VLDLR: variants seen among roughly 807,000 people sequenced by gnomAD.
The protein encoded by VLDLR is very low density lipoprotein receptor, also known as very low-density lipoprotein receptor.
In VLDLR, 81 loss-of-function variants were observed where a neutral mutation model predicts 112.7. The observed-to-expected ratio is 0.72, with a 90% CI of 0.60 to 0.86. VLDLR has a LOEUF of 0.86. Among genes scored for constraint, VLDLR ranks in the 40% least tolerant of loss-of-function variants. The probability of loss-of-function intolerance (pLI) is 0.00; values close to 1 mark genes in which losing one functional copy is unlikely to be tolerated. For synonymous variants in VLDLR, 436 were observed against 384.8 expected, an observed-to-expected ratio of 1.13 and a Z score of -1.56; for missense variants, 1,237 against 1,099.4, an observed-to-expected ratio of 1.13 and a Z score of -1.77.
intron 2 of VLDLR, among the ~76,000 whole-genome samples, chr9:2,637,472 A>G (rs1296481402): frequency 6.6e-6 from 1 of 152,184 alleles, no homozygotes; most frequent in African/African-American, 2.4e-5. Context: ...TAGCACATCT[A>G]AATTCCTATT....
At chr9:2,635,385 C>T (rs930697116) in intron 1 of VLDLR, 68 bp from the exon 2 acceptor site, 3 of 1,609,872 alleles carry the variant, frequency 1.9e-6, no homozygotes, top group Non-Finnish European at 2.5e-6. Flanking sequence ...GGTCCCCATC[C>T]ATGGGTATTA....
chr9:2,635,688 T>A, intron 2 of VLDLR, 116 bp downstream of exon 2: 1 of 1,482,522 alleles, frequency 6.7e-7, no homozygotes, highest in South Asian at 1.2e-5. Flanking sequence ...TTTGAAAGAA[T>A]CTATACTTCT....
chr9:2,645,506 A>G (rs1341785287), intron 9 of VLDLR, 68 bp from the exon 10 acceptor site: 1 of 1,566,448 alleles, frequency 6.4e-7, no homozygotes, highest in Non-Finnish European at 8.8e-7. Flanking sequence ...CTCTGCTGGG[A>G]GGAGGTGGTT....
At chr9:2,633,984 A>C (rs1432407247) in intron 1 of VLDLR, among the ~76,000 whole-genome samples, 1 of 152,124 alleles carries the variant, frequency 6.6e-6, no homozygotes, top group African/African-American at 2.4e-5. Flanking sequence ...TACAACCAAT[A>C]AAACGTGAAG....
Position 2,652,817 on chromosome 9 carries a change from G to A in VLDLR, c.2454G>A (p.Met818Ile). ...LVMAAVGGYL[M>I]WRNWQHKNMK... ...TGGCAGCAGTAGGTGGCTACTTGAT[G>A]TGGCGGAATTGGCAACACAAGAACA... The change falls in exon 18 of 19, where the codon ATG becomes ATA. Residue 818 changes from methionine to isoleucine, a missense_variant. Met to Ile is a conservative substitution (Grantham distance 10, BLOSUM62 1). Coordinates refer to ENST00000382100, the MANE Select transcript of VLDLR (RefSeq NM_003383.5). The A allele has an allele frequency of 1.2e-6, 2 of 1,614,094 alleles. No homozygotes were observed. The highest frequency in any genetic ancestry group is 2.2e-5 in the East Asian group (1 of 44,884).
In VLDLR at chr9:2,649,152, T is replaced by G. The variant is rs533921949; in HGVS notation, c.2104+342T>G. On this transcript the variant is annotated intron_variant, in intron 14 of 18. Transcript: ENST00000382100. ...CTACAAGCTTTCTCTACTGTTAGTT[T>G]GCTAGGATTTTTGCAATGAAGTACC... 3.9e-5 allele frequency among the ~76,000 whole-genome samples: 6 copies of G among 152,276 alleles called. No individual in the cohort carries two copies. The South Asian group carries it at 1.2e-3, about 32-fold the overall frequency.
chr9:2,651,324 T>C, intron 15 of VLDLR, 91 bp from the exon 16 acceptor site: 2 of 1,143,674 alleles, frequency 1.7e-6, no homozygotes, highest in Non-Finnish European at 2.6e-6. Flanking sequence ...TACCTGGTTT[T>C]AAAATAACCT....
rs1430055863 is a variant in VLDLR at position 2,648,230 on chromosome 9, T to C, written c.1845T>C (p.Tyr615=). 3.1e-6 allele frequency: 5 copies of C among 1,614,234 alleles called. No individual in the cohort carries two copies. In the East Asian group the frequency reaches 8.9e-5, roughly 29 times the overall value. ...TAGACCTTATAAAAAGTCGCCTCTA[T>C]TGGCTTGATTCTAAGTTGCACATGT... ...ITLDLIKSRL[Y]WLDSKLHMLS... is the part of the protein sequence containing the mutation. Residue 615 remains tyrosine, a synonymous_variant, in exon 13 of 19, where the codon TAT becomes TAC. Coordinates refer to ENST00000382100, the MANE Select transcript of VLDLR (RefSeq NM_003383.5).
At position 2,646,430 on chromosome 9, in the gene VLDLR, C is replaced by G; in HGVS notation, c.1581C>G (p.Ile527Met). ...CTGTTGATTGGGTGTACAAGACCAT[C>G]TACTGGACTGATGCGGCTTCTAAGA... ...AIAVDWVYKT[I>M]YWTDAASKTI... is the part of the protein sequence containing the mutation. Residue 527 changes from isoleucine to methionine, a missense_variant, in exon 11 of 19, where the codon ATC (isoleucine) becomes ATG (methionine). Coordinates refer to ENST00000382100, the MANE Select transcript of VLDLR (RefSeq NM_003383.5). 1 of 1,614,142 alleles carries G rather than the reference C, an allele frequency of 6.2e-7. No individual in the cohort carries two copies. The highest frequency in any genetic ancestry group is 8.5e-7 in the Non-Finnish European group (1 of 1,180,014).
rs1471126538 is a variant in VLDLR at position 2,643,011 on chromosome 9, A to G, written c.449-149A>G. ...TTTTTTGTACAATGAGACTGTACAAAAGTTCTTGATTTAACTCCATTGTAG... is the reference window on the plus strand; with the variant it reads ...TTTTTTGTACAATGAGACTGTACAAGAGTTCTTGATTTAACTCCATTGTAG... On this transcript the variant is annotated intron_variant, in intron 4 of 18. Coordinates refer to ENST00000382100, the MANE Select transcript of VLDLR (RefSeq NM_003383.5). The G allele has an allele frequency of 4.2e-6, 5 of 1,186,138 alleles. No homozygotes were observed. In the East Asian group the frequency reaches 1.2e-4, roughly 28 times the overall value. The allele number at this position is 1,186,138 out of a possible 1,614,324, so 73.5% of individuals were successfully genotyped here. A position where few individuals can be genotyped will look rare whatever the true frequency, so the allele number is the denominator to read the frequency against.
At chr9:2,642,441 A>G (rs529752437) in intron 4 of VLDLR, among the ~76,000 whole-genome samples, 1 of 152,304 alleles carries the variant, frequency 6.6e-6, no homozygotes, top group Admixed American at 6.5e-5. Flanking sequence ...TGGTGCTGCC[A>G]AGTGTTTCCC....
intron 9 of VLDLR, 82 bp from the exon 10 acceptor site, chr9:2,645,492 G>C: frequency 6.7e-7 from 1 of 1,491,638 alleles, no homozygotes; most frequent in Non-Finnish European, 9.3e-7. Context: ...TTTTCTAAGT[G>C]CTCCTCTGCT....
rs1306820674 is a variant in VLDLR, at chr9:2,643,257, C to T, written c.546C>T (p.Gly182=). 6.2e-7 allele frequency: 1 copy of T among 1,614,094 alleles called. No homozygotes were observed. The highest frequency in any genetic ancestry group is 8.5e-7 in the Non-Finnish European group (1 of 1,179,978). Reference sequence around the variant, plus strand: ...ATGGCCAGGATGACTGCAGCGATGGCAGTGATGAGCTGGACTGTGCCCCGC... The same window carrying T: ...ATGGCCAGGATGACTGCAGCGATGGTAGTGATGAGCTGGACTGTGCCCCGC... ...VCNGQDDCSD[G]SDELDCAPPT... The change falls in exon 5 of 19, where the codon GGC becomes GGT. Residue 182 remains glycine (G), a synonymous_variant. Transcript: ENST00000382100.
rs940443681 is a variant in VLDLR, at chr9:2,658,623, A to G, written c.*4755A>G. ...TGGGCAAGTTACTAACTCCCTCTGTAAAGTAGAGACGATGGGGACTGTCTC... is the reference window on the plus strand; with the variant it reads ...TGGGCAAGTTACTAACTCCCTCTGTGAAGTAGAGACGATGGGGACTGTCTC... On this transcript the variant is annotated 3_prime_UTR_variant, in exon 19 of 19. Coordinates refer to ENST00000382100, the MANE Select transcript of VLDLR (RefSeq NM_003383.5). 6.6e-6 allele frequency: 1 copy of G among 152,216 alleles called. No individual in the cohort carries two copies. The highest frequency in any genetic ancestry group is 1.5e-5 in the Non-Finnish European group (1 of 68,044). 9.4% of individuals were successfully genotyped at this position (152,216 alleles called of 1,614,324 possible).
At position 2,647,411 on chromosome 9, in the gene VLDLR, C is replaced by T. The variant is rs1294807812; in HGVS notation, c.1704-63C>T. 4.8e-6 allele frequency: 7 copies of T among 1,443,934 alleles called. No individual in the cohort carries two copies. The Admixed American group carries it at 8.4e-5, about 17-fold the overall frequency. 89.4% of individuals were successfully genotyped at this position (1,443,934 alleles called of 1,614,324 possible). A position where few individuals can be genotyped will look rare whatever the true frequency, so the allele number is the denominator to read the frequency against. The stretch of plus-strand genomic sequence containing the variant: ...TGCTCAAATTTTAAATTTTTGTTTC[C>T]AGCTACTACAACTTTATTCCTTCTA... On this transcript the variant is annotated intron_variant, in intron 11 of 18. Coordinates refer to ENST00000382100, the MANE Select transcript of VLDLR (RefSeq NM_003383.5).
At chr9:2,646,096 C>G (rs1194591934) in intron 10 of VLDLR, among the ~76,000 whole-genome samples, 1 of 151,822 alleles carries the variant, frequency 6.6e-6, no homozygotes, top group East Asian at 1.9e-4. Context: ...AAACAAATAG[C>G]TTCACTTAGA....
chr9:2,622,665 G>C (rs1225147629), intron 1 of VLDLR, among the ~76,000 whole-genome samples: 1 of 152,358 alleles, frequency 6.6e-6, no homozygotes, highest in African/African-American at 2.4e-5. Context: ...GCCAAGACGT[G>C]TGCGGCAGCC....
At chr9:2,641,935 G>T (rs1817851501) in intron 4 of VLDLR, among the ~76,000 whole-genome samples, 1 of 148,738 alleles carries the variant, frequency 6.7e-6, no homozygotes. Flanking sequence ...GCATTTCTTT[G>T]CCCATGAACT....
At chr9:2,652,989 TGAG>T in intron 18 of VLDLR, 40 bp downstream of exon 18, 1 of 1,613,318 alleles carries the variant, frequency 6.2e-7, no homozygotes, top group Non-Finnish European at 8.5e-7. Flanking sequence ...TGGCTTGAAG[TGAG>T]ACTTTTCAGA....
Sources: allele counts gnomAD v4.1 joint callset (sites outside exome capture counted in the v4.1 genomes callset), GRCh38; gene constraint gnomAD v4.1.1; transcripts MANE v1.5; gene names NCBI Gene and HGNC (gene_info 2026-07-23, HGNC 2026-07-21).